Variants in FHIP1A observed in about 807,000 individuals in gnomAD.
FHIP1A encodes the protein FHF complex subunit HOOK interacting protein 1A.
In FHIP1A, 61 loss-of-function variants were observed where a neutral mutation model predicts 88.6. The ratio of observed to expected loss-of-function variants is 0.69; its 90% CI spans 0.56 to 0.85. The LOEUF is 0.85. Ranked by LOEUF, FHIP1A falls within the 40% of genes least tolerant of loss-of-function variation. The pLI, the probability that FHIP1A is intolerant of heterozygous loss-of-function variation, is 0.00. For missense variants in FHIP1A, 1,154 were observed against 1,273.5 expected, an observed-to-expected ratio of 0.91 and a Z score of 1.43; for synonymous variants, 478 against 496.0, an observed-to-expected ratio of 0.96 and a Z score of 0.48.
At chr4:151,435,206 T>A (rs1733757228) in intron 1 of FHIP1A, among the ~76,000 whole-genome samples, 1 of 152,110 alleles carries the variant, frequency 6.6e-6, no homozygotes, top group Non-Finnish European at 1.5e-5. Context: ...TGTGGAACAC[T>A]GGAACTTACT....
chr4:151,645,241 G>C (rs778162609), intron 9 of FHIP1A, among the ~76,000 whole-genome samples: 1 of 152,220 alleles, frequency 6.6e-6, no homozygotes, highest in Admixed American at 6.5e-5. Flanking sequence ...GATGAGGACC[G>C]CCTTACCTAG....
At chr4:151,549,806 A>G (rs1732653521) in intron 3 of FHIP1A, among the ~76,000 whole-genome samples, 1 of 152,108 alleles carries the variant, frequency 6.6e-6, no homozygotes, top group African/African-American at 2.4e-5. Flanking sequence ...CTTTCTGGTA[A>G]GTTTCCTTAA....
At chr4:151,560,359 A>G (rs1006611017) in intron 3 of FHIP1A, among the ~76,000 whole-genome samples, 2 of 152,144 alleles carry the variant, frequency 1.3e-5, no homozygotes, top group Admixed American at 1.3e-4. Context: ...ACTAAACAAC[A>G]TCACTTGCCA....
intron 6 of FHIP1A, 64 bp downstream of exon 6, chr4:151,586,863 G>A (rs1471310294): frequency 8.3e-5 from 100 of 1,202,000 alleles, no homozygotes; most frequent in Non-Finnish European, 1.1e-4. Context: ...CACTGCAAAG[G>A]ATTAATTTTA....
intron 2 of FHIP1A, among the ~76,000 whole-genome samples, chr4:151,474,865 C>A (rs1431894958): frequency 6.6e-6 from 1 of 152,146 alleles, no homozygotes; most frequent in Admixed American, 6.5e-5. Context: ...CCAGGGAATT[C>A]TTTGGAGGCC....
intron 3 of FHIP1A, among the ~76,000 whole-genome samples, chr4:151,550,080 T>G (rs374623676): frequency 6.6e-6 from 1 of 152,190 alleles, no homozygotes; most frequent in Non-Finnish European, 1.5e-5. Context: ...TGCCTGTTTA[T>G]ATTTTTAAGT....
Position 151,662,702 on chromosome 4 carries a change from A to T in FHIP1A, c.3071A>T (p.His1024Leu). The change falls in exon 14 of 14, where the codon CAC (histidine) becomes CTC (leucine). Residue 1024 changes from histidine to leucine, a missense_variant. Coordinates refer to ENST00000435205, the MANE Select transcript of FHIP1A (RefSeq NM_001109977.3). The stretch of plus-strand genomic sequence containing the variant: ...GAGCTGGCGGCCTTGGCCCAGGAAC[A>T]CTCCATTCTGTGCTACAAGATCTTG... ...LKELAALAQEHSILCYKILGD... is the reference protein window; with the variant it reads ...LKELAALAQELSILCYKILGD... The T allele has an allele frequency of 1.3e-6, 2 of 1,543,788 alleles. No individual in the cohort carries two copies. The highest frequency in any genetic ancestry group is 1.7e-6 in the Non-Finnish European group (2 of 1,145,676).
chr4:151,629,111 A>G (rs1010797859), intron 7 of FHIP1A, among the ~76,000 whole-genome samples: 1 of 152,224 alleles, frequency 6.6e-6, no homozygotes, highest in African/African-American at 2.4e-5. Flanking sequence ...ATAACATTTT[A>G]TGTGTATTAT....
chr4:151,579,566 A>T (rs1175670737), intron 5 of FHIP1A, among the ~76,000 whole-genome samples: 1 of 152,220 alleles, frequency 6.6e-6, no homozygotes, highest in African/African-American at 2.4e-5. Flanking sequence ...GGTTCACTTG[A>T]TCAGTATGCA....
chr4:151,478,667 C>T (rs767976451), intron 2 of FHIP1A, among the ~76,000 whole-genome samples: 3 of 152,056 alleles, frequency 2.0e-5, no homozygotes, highest in African/African-American at 4.8e-5. Context: ...TTCTACAAGG[C>T]CTTCTTAGAG....
chr4:151,502,285 C>G (rs552882958), intron 3 of FHIP1A, among the ~76,000 whole-genome samples: 4 of 151,834 alleles, frequency 2.6e-5, no homozygotes, highest in Admixed American at 2.6e-4. Context: ...CCACTGTGCT[C>G]TAGCCTGAGT....
chr4:151,531,330 A>C (rs1214633778), intron 3 of FHIP1A, among the ~76,000 whole-genome samples: 1 of 151,958 alleles, frequency 6.6e-6, no homozygotes, highest in African/African-American at 2.4e-5. Context: ...TCATTGGATC[A>C]GGTTCCAATT....
At chr4:151,627,478 G>A (rs1735995501) in intron 7 of FHIP1A, among the ~76,000 whole-genome samples, 1 of 152,232 alleles carries the variant, frequency 6.6e-6, no homozygotes, top group South Asian at 2.1e-4. Flanking sequence ...TAACATGTCA[G>A]TTCAGCAGTG....
intron 13 of FHIP1A, among the ~76,000 whole-genome samples, chr4:151,661,932 C>T (rs1298307810): frequency 2.0e-5 from 3 of 152,216 alleles, no homozygotes; most frequent in African/African-American, 7.2e-5. Context: ...CTTCCGCTCT[C>T]CTTTTATGTA....
intron 8 of FHIP1A, among the ~76,000 whole-genome samples, chr4:151,630,886 A>G (rs905702890): frequency 5.9e-5 from 9 of 152,234 alleles, no homozygotes; most frequent in African/African-American, 9.6e-5. Flanking sequence ...GTATATGGAA[A>G]TTGACACACT....
At chr4:151,654,967 T>C (rs986773369) in intron 11 of FHIP1A, among the ~76,000 whole-genome samples, 3 of 152,196 alleles carry the variant, frequency 2.0e-5, no homozygotes, top group Non-Finnish European at 2.9e-5. Flanking sequence ...GATATTGCAG[T>C]TACCCTGTTC....
intron 2 of FHIP1A, among the ~76,000 whole-genome samples, chr4:151,470,381 C>G (rs989287368): frequency 6.6e-6 from 1 of 152,148 alleles, no homozygotes; most frequent in Non-Finnish European, 1.5e-5. Context: ...AAGGAATATT[C>G]GTGCTTAGAA....
chr4:151,498,022 C>T (rs1409228607), intron 3 of FHIP1A, among the ~76,000 whole-genome samples: 1 of 152,178 alleles, frequency 6.6e-6, no homozygotes, highest in Middle Eastern at 3.2e-3. Context: ...CCCCTACCCT[C>T]AATGTCTCCT....
At chr4:151,602,055 G>A (rs1462466448) in intron 7 of FHIP1A, among the ~76,000 whole-genome samples, 1 of 152,010 alleles carries the variant, frequency 6.6e-6, no homozygotes, top group Non-Finnish European at 1.5e-5. Flanking sequence ...GCATGGGAAA[G>A]ACCCGCCCCC....
Sources: allele counts gnomAD v4.1 joint callset (sites outside exome capture counted in the v4.1 genomes callset), GRCh38; gene constraint gnomAD v4.1.1; transcripts MANE v1.5; gene names NCBI Gene and HGNC (gene_info 2026-07-23, HGNC 2026-07-21).